The following CDH8 variants were observed in gnomAD, a reference collection of about 807,000 sequenced individuals.
CDH8 encodes cadherin-8.
A neutral mutation model predicts 68.1 loss-of-function variants in CDH8; 17 were observed. The ratio of observed to expected loss-of-function variants is 0.25; its 90% CI spans 0.17 to 0.37. The LOEUF is 0.37. Among genes scored for constraint, CDH8 ranks in the 10% least tolerant of loss-of-function variants. CDH8 has a pLI of 1.00. For synonymous variants in CDH8, 372 were observed against 365.1 expected, an observed-to-expected ratio of 1.02 and a Z score of -0.21; for missense variants, 763 against 999.3, an observed-to-expected ratio of 0.76 and a Z score of 3.19.
intron 1 of CDH8, among the ~76,000 whole-genome samples, chr16:62,034,217 A>ACACACACGCGCG (rs1039068798): frequency 2.6e-5 from 4 of 151,486 alleles, no homozygotes; most frequent in African/African-American, 9.7e-5. Flanking sequence ...ACACACACAC[A>ACACACACGCGCG]CGCACACGAA....
At chr16:61,796,196 GA>G (rs1382270805) in intron 7 of CDH8, among the ~76,000 whole-genome samples, 3 of 151,802 alleles carry the variant, frequency 2.0e-5, no homozygotes, top group African/African-American at 4.8e-5. Context: ...AAAAGAGAAA[GA>G]AAAAAATTAA....
intron 8 of CDH8, among the ~76,000 whole-genome samples, chr16:61,771,088 T>G (rs1372904567): frequency 6.6e-6 from 1 of 151,956 alleles, no homozygotes; most frequent in Non-Finnish European, 1.5e-5. Context: ...CAGGGGCCAT[T>G]TGTAGAATAT....
chr16:61,860,181 A>G (rs1409119292), intron 3 of CDH8, among the ~76,000 whole-genome samples: 1 of 152,136 alleles, frequency 6.6e-6, no homozygotes, highest in Non-Finnish European at 1.5e-5. Context: ...AGAGGGAGAG[A>G]CAAACTCCCT....
At chr16:61,914,920 A>G (rs1283623333) in intron 2 of CDH8, among the ~76,000 whole-genome samples, 5 of 152,184 alleles carry the variant, frequency 3.3e-5, no homozygotes, top group Admixed American at 3.3e-4. Flanking sequence ...ACAGAATTAT[A>G]AGATAATGCA....
At chr16:61,907,513 TA>T (rs546018126) in intron 2 of CDH8, among the ~76,000 whole-genome samples, 4 of 150,976 alleles carry the variant, frequency 2.6e-5, no homozygotes, top group South Asian at 4.2e-4. Context: ...ACCCTGTATC[TA>T]AAAAAAATAG....
intron 3 of CDH8, among the ~76,000 whole-genome samples, chr16:61,862,110 A>C (rs1963161139): frequency 6.8e-6 from 1 of 146,462 alleles, no homozygotes; most frequent in Non-Finnish European, 1.5e-5. Flanking sequence ...AAAACTGCTC[A>C]AAAGAAAACA....
At chr16:61,692,491 T>G (rs957012626) in intron 10 of CDH8, 1 of 151,442 alleles carries the variant, frequency 6.6e-6, no homozygotes, top group Non-Finnish European at 1.5e-5. Flanking sequence ...ACCAAAAGCA[T>G]GTGTGTTTAT....
At chr16:61,800,111 T>C (rs994208387) in intron 7 of CDH8, among the ~76,000 whole-genome samples, 6 of 152,186 alleles carry the variant, frequency 3.9e-5, no homozygotes, top group Admixed American at 3.9e-4. Flanking sequence ...GGTTTCACCA[T>C]GTTGCCTAGG....
intron 1 of CDH8, among the ~76,000 whole-genome samples, chr16:62,033,434 C>T (rs1396267996): frequency 6.6e-6 from 1 of 152,118 alleles, no homozygotes; most frequent in African/African-American, 2.4e-5. Flanking sequence ...CATGCAGCTT[C>T]AAGAACTCAA....
intron 2 of CDH8, among the ~76,000 whole-genome samples, chr16:61,948,335 AAC>A (rs1256966912): frequency 6.6e-6 from 1 of 152,200 alleles, no homozygotes; most frequent in East Asian, 1.9e-4. Context: ...AGAAGTTGAG[AAC>A]ACAGCCAAAA....
chr16:61,999,372 T>C (rs1295415779), intron 2 of CDH8, among the ~76,000 whole-genome samples: 1 of 152,072 alleles, frequency 6.6e-6, no homozygotes, highest in East Asian at 1.9e-4. Flanking sequence ...AAAAGGAAGA[T>C]TGAGATTTAG....
In CDH8 at chr16:61,871,983, C is replaced by T. The variant is rs757961597; in HGVS notation, c.548-14745G>A. Among the ~76,000 whole-genome samples, 4 of 152,180 alleles carry T rather than the reference C, an allele frequency of 2.6e-5. No homozygotes were observed. In the South Asian group the frequency reaches 8.3e-4, roughly 32 times the overall value. On this transcript the variant is annotated intron_variant, in intron 3 of 11. Coordinates refer to ENST00000577390, the MANE Select transcript of CDH8 (RefSeq NM_001796.5). Reference sequence around the variant, plus strand: ...CCGGTGTGAGAAGAACTCTGCTCTGCATGAATGGTTTCTCTACCAGGACTA... The same window carrying T: ...CCGGTGTGAGAAGAACTCTGCTCTGTATGAATGGTTTCTCTACCAGGACTA...
At chr16:61,754,672 T>C (rs2142955038) in intron 8 of CDH8, among the ~76,000 whole-genome samples, 1 of 152,266 alleles carries the variant, frequency 6.6e-6, no homozygotes, top group African/African-American at 2.4e-5. Context: ...TCCAGCCATT[T>C]TGAAATATAC....
chr16:61,962,538 C>T (rs916031189), intron 2 of CDH8, among the ~76,000 whole-genome samples: 27 of 152,250 alleles, frequency 1.8e-4, no homozygotes, highest in African/African-American at 4.6e-4. Flanking sequence ...CACATTTTTG[C>T]AAGCCCAGTT....
chr16:61,831,459 T>C (rs1232467469), intron 4 of CDH8, among the ~76,000 whole-genome samples: 2 of 151,244 alleles, frequency 1.3e-5, no homozygotes, highest in African/African-American at 2.4e-5. Flanking sequence ...GGTTCAGGAG[T>C]TTAAGAATTT....
Position 61,901,535 on chromosome 16 carries a change from C to T in CDH8, c.253-62G>A, listed in dbSNP as rs1597052789. ...ATCTGAAAAGTTATTTTTTTAACTA[C>T]CTCCTTTTTGAATATTAAGTTGGTT... On this transcript the variant is annotated intron_variant, in intron 2 of 11. Coordinates refer to ENST00000577390, the MANE Select transcript of CDH8 (RefSeq NM_001796.5). The T allele has an allele frequency of 5.8e-6, 7 of 1,200,408 alleles. No individual in the cohort carries two copies. In the East Asian group the frequency reaches 1.2e-4, roughly 20 times the overall value. The allele number at this position is 1,200,408 out of a possible 1,614,324, so 74.4% of individuals were successfully genotyped here.
At chr16:61,868,570 T>C (rs1042011863) in intron 3 of CDH8, among the ~76,000 whole-genome samples, 1 of 152,160 alleles carries the variant, frequency 6.6e-6, no homozygotes, top group Non-Finnish European at 1.5e-5. Context: ...GAGGCTAGTA[T>C]GATATTAAAC....
At chr16:61,903,422 G>C (rs8053210) in intron 2 of CDH8, among the ~76,000 whole-genome samples, 81,375 of 152,120 alleles carry the variant, frequency 0.53, 24,006 homozygotes, top group African/African-American at 0.8. Context: ...CTGCCGGGTT[G>C]ACGCCATTCT....
At chr16:61,873,690 T>G (rs1285535316) in intron 3 of CDH8, among the ~76,000 whole-genome samples, 1 of 152,136 alleles carries the variant, frequency 6.6e-6, no homozygotes, top group Non-Finnish European at 1.5e-5. Context: ...TAACTCTGTT[T>G]TTCAATGCTG....
Sources: allele counts gnomAD v4.1 joint callset (sites outside exome capture counted in the v4.1 genomes callset), GRCh38; gene constraint gnomAD v4.1.1; transcripts MANE v1.5; gene names NCBI Gene and HGNC (gene_info 2026-07-23, HGNC 2026-07-21).